The following FAM117B variants were observed in gnomAD, a reference collection of about 807,000 sequenced individuals.
FAM117B encodes protein FAM117B.
Under a neutral mutation model 52.8 loss-of-function variants are expected in FAM117B, and 22 were observed. That is an observed-to-expected ratio of 0.42 (90% confidence interval 0.30 to 0.59). FAM117B has a LOEUF of 0.59. FAM117B is among the 20% of genes least tolerant of loss of function. The pLI is 0.22. For synonymous variants in FAM117B, 309 were observed against 324.1 expected (o/e 0.95, Z 0.50); for missense variants, 678 against 802.6 (o/e 0.84, Z 1.88).
Position 202,695,909 on chromosome 2 carries a change from C to T in FAM117B, c.630C>T (p.Ser210=), listed in dbSNP as rs762996750. Residue 210 remains serine (S), a synonymous_variant, in exon 2 of 8, where the codon AGC becomes AGT. Transcript: ENST00000392238. ...AGDKTRQPSS[S]PSSIIRRTSS... The stretch of plus-strand genomic sequence containing the variant: ...ACAAAACACGACAGCCTTCTTCAAG[C>T]CCCTCCAGTATTATCCGACGCACTT... The T allele has an allele frequency of 1.4e-5, 22 of 1,610,044 alleles. No homozygotes were observed. The highest frequency in any genetic ancestry group is 1.9e-5 in the Non-Finnish European group (22 of 1,177,982).
chr2:202,659,634 T>G (rs905775490), intron 1 of FAM117B, among the ~76,000 whole-genome samples: 1 of 119,914 alleles, frequency 8.3e-6, no homozygotes, highest in Non-Finnish European at 1.8e-5. Context: ...TTTTTTTTTT[T>G]GACGGAGTCT....
intron 2 of FAM117B, among the ~76,000 whole-genome samples, chr2:202,709,449 C>G (rs912080916): frequency 6.6e-6 from 1 of 152,098 alleles, no homozygotes; most frequent in Admixed American, 6.6e-5. Flanking sequence ...CGATCTGCCC[C>G]CCTCTGCCTC....
chr2:202,638,569 A>G (rs1383675943), intron 1 of FAM117B, among the ~76,000 whole-genome samples: 1 of 147,920 alleles, frequency 6.8e-6, no homozygotes. Flanking sequence ...TTGCTCCCCT[A>G]TCAAAATAAA....
chr2:202,766,079 C>CAT lies in FAM117B; in HGVS notation c.*316_*317insTA. On this transcript the variant is annotated 3_prime_UTR_variant, in exon 8 of 8. Coordinates refer to ENST00000392238, the MANE Select transcript of FAM117B (RefSeq NM_173511.4). ...TCTTTAAAACACACACACACACACA[C>CAT]ACACACACACACACACACACACACA... is the stretch of plus-strand genomic sequence containing the variant. 4.4e-6 allele frequency: 1 copy of CAT among 228,766 alleles called. No individual in the cohort carries two copies. The highest frequency in any genetic ancestry group is 8.6e-6 in the Non-Finnish European group (1 of 115,660). 14.2% of individuals were successfully genotyped at this position (228,766 alleles called of 1,614,324 possible). A position where few individuals can be genotyped will look rare whatever the true frequency, so the allele number is the denominator to read the frequency against.
chr2:202,713,099 A>C (rs966808494), intron 2 of FAM117B, among the ~76,000 whole-genome samples: 1 of 152,230 alleles, frequency 6.6e-6, no homozygotes, highest in African/African-American at 2.4e-5. Flanking sequence ...TTTTAGTAGG[A>C]TTGGTGTTAG....
chr2:202,667,386 CCA>C (rs1690221666), intron 1 of FAM117B, among the ~76,000 whole-genome samples: 1 of 152,132 alleles, frequency 6.6e-6, no homozygotes, highest in Admixed American at 6.6e-5. Flanking sequence ...TTAGCATGAG[CCA>C]CCACGCCCGG....
chr2:202,749,480 G>C (rs533013268), intron 4 of FAM117B, among the ~76,000 whole-genome samples: 1 of 151,658 alleles, frequency 6.6e-6, no homozygotes, highest in Admixed American at 6.6e-5. Context: ...CACTAGGTAC[G>C]ATCTGTTTCT....
At position 202,757,313 on chromosome 2, in the gene FAM117B, G is replaced by T; in HGVS notation, c.1205G>T (p.Arg402Met). Residue 402 changes from arginine to methionine, a missense_variant, in exon 6 of 8, where the codon AGG becomes ATG. By Grantham distance (91) the Arg-to-Met change is moderately conservative (BLOSUM62 -1). Around this residue, in one of 3 missense-constraint regions of FAM117B, gnomAD observed 583 missense variants for 644.8 expected, o/e 0.90. Coordinates refer to ENST00000392238, the MANE Select transcript of FAM117B (RefSeq NM_173511.4). ...IDTQTPGGADRGSNNSSRSQS... is the reference protein window; with the variant it reads ...IDTQTPGGADMGSNNSSRSQS... ...ACACAGACGCCTGGTGGGGCAGACA[G>T]GGGAAGCAACAACAGCAGCCGTTCC... is the stretch of plus-strand genomic sequence containing the variant. 2 of 1,614,104 alleles carry T rather than the reference G, an allele frequency of 1.2e-6. No individual in the cohort carries two copies. The highest frequency in any genetic ancestry group is 1.7e-6 in the Non-Finnish European group (2 of 1,180,024).
chr2:202,683,502 A>G (rs1031695173), intron 1 of FAM117B, among the ~76,000 whole-genome samples: 2 of 152,232 alleles, frequency 1.3e-5, no homozygotes, highest in African/African-American at 4.8e-5. Flanking sequence ...GTTACTACAG[A>G]TCGTACATAA....
At chr2:202,644,064 G>GTTTTTTTTTTTTTT (rs1161026426) in intron 1 of FAM117B, among the ~76,000 whole-genome samples, 146 of 95,130 alleles carry the variant, frequency 1.5e-3, no homozygotes, top group East Asian at 2.9e-3. Context: ...TTTTTTTTTT[G>GTTTTTTTTTTTTTT]TTTTTTTTTT....
At chr2:202,741,722 G>A (rs1165970643) in intron 4 of FAM117B, among the ~76,000 whole-genome samples, 6 of 151,928 alleles carry the variant, frequency 3.9e-5, no homozygotes, top group Admixed American at 2.0e-4. Context: ...ATTTTTAGTA[G>A]AGACGGGGTT....
intron 4 of FAM117B, among the ~76,000 whole-genome samples, chr2:202,737,607 C>CTT (rs112643875): frequency 6.8e-6 from 1 of 146,934 alleles, no homozygotes. Flanking sequence ...AATAGTTTAA[C>CTT]TTTTTTTTTT....
chr2:202,671,258 T>C (rs1690295564), intron 1 of FAM117B, among the ~76,000 whole-genome samples: 1 of 152,202 alleles, frequency 6.6e-6, no homozygotes, highest in African/African-American at 2.4e-5. Context: ...TTTAAGAATG[T>C]TGAAGAAGTA....
intron 1 of FAM117B, among the ~76,000 whole-genome samples, chr2:202,686,941 A>G (rs1441500549): frequency 6.6e-6 from 1 of 152,206 alleles, no homozygotes; most frequent in Non-Finnish European, 1.5e-5. Flanking sequence ...TATTTTAAGG[A>G]ATTGTCTCAT....
Position 202,768,153 on chromosome 2 carries a change from C to G in FAM117B, c.*2389C>G, listed in dbSNP as rs1165525683. 6.6e-6 allele frequency: 1 copy of G among 152,162 alleles called. No individual in the cohort carries two copies. Among genetic ancestry groups the G allele is most frequent in the Non-Finnish European group, 1.5e-5 (1 of 68,024 alleles). 9.4% of individuals were successfully genotyped at this position (152,162 alleles called of 1,614,324 possible). Reference sequence around the variant, plus strand: ...AATCTGTGTTCTTGGCCTTGCACTTCCGTTCCTCTTCCATCTCTATCCCTG... The same window carrying G: ...AATCTGTGTTCTTGGCCTTGCACTTGCGTTCCTCTTCCATCTCTATCCCTG... On this transcript the variant is annotated 3_prime_UTR_variant, in exon 8 of 8. Coordinates refer to ENST00000392238, the MANE Select transcript of FAM117B (RefSeq NM_173511.4).
At position 202,703,925 on chromosome 2, in the gene FAM117B, C is replaced by T. The variant is rs567013566; in HGVS notation, c.753+7893C>T. Among the ~76,000 whole-genome samples, 3 of 152,288 alleles carry T rather than the reference C, an allele frequency of 2.0e-5. No homozygotes were observed. In the East Asian group the frequency reaches 5.8e-4, roughly 29 times the overall value. On this transcript the variant is annotated intron_variant, in intron 2 of 7. Transcript: ENST00000392238. The stretch of plus-strand genomic sequence containing the variant: ...TCACAGCAGCTGTATCATTTTCTAT[C>T]CCCATGTATGAAGGTATATAATTCC...
In FAM117B at chr2:202,635,634, C is replaced by G. The variant is rs1009362021; in HGVS notation, c.447C>G (p.Thr149=). 5 of 1,328,288 alleles carry G rather than the reference C, an allele frequency of 3.8e-6. No individual in the cohort carries two copies. Among genetic ancestry groups the G allele is most frequent in the Non-Finnish European group, 4.8e-6 (5 of 1,042,628 alleles). The allele number at this position is 1,328,288 out of a possible 1,614,324, so 82.3% of individuals were successfully genotyped here. The stretch of plus-strand genomic sequence containing the variant: ...CGCCGCCGCCGCCGCTGCTGGGCAC[C>G]GTGTCGTCGCCCAGCTCGTCGCCCA... ...RPPPPPPLLG[T]VSSPSSSPTH... The change falls in exon 1 of 8, where the codon ACC becomes ACG. Residue 149 remains threonine, a synonymous_variant. Coordinates refer to ENST00000392238, the MANE Select transcript of FAM117B (RefSeq NM_173511.4).
In FAM117B at chr2:202,674,674, C is replaced by T. The variant is rs555330561; in HGVS notation, c.602-21207C>T. 2.6e-5 allele frequency among the ~76,000 whole-genome samples: 4 copies of T among 152,370 alleles called. No homozygotes were observed. The South Asian group carries it at 8.3e-4, about 32-fold the overall frequency. ...ATAGCTACTTAACAGATCTTCCTGA[C>T]CCAGTTTCTTCTCCATCCACAGGGC... On this transcript the variant is annotated intron_variant, in intron 1 of 7. Transcript: ENST00000392238.
intron 1 of FAM117B, among the ~76,000 whole-genome samples, chr2:202,678,318 T>C (rs1261068811): frequency 6.6e-6 from 1 of 152,042 alleles, no homozygotes; most frequent in Admixed American, 6.6e-5. Flanking sequence ...AGTGGCTGCT[T>C]ATATGAGGAG....
Sources: allele counts gnomAD v4.1 joint callset (sites outside exome capture counted in the v4.1 genomes callset), GRCh38; gene constraint gnomAD v4.1.1; regional missense constraint gnomAD v4.1.1; transcripts MANE v1.5; gene names NCBI Gene and HGNC (gene_info 2026-07-23, HGNC 2026-07-21).